Variants in SP4 observed in about 807,000 individuals in gnomAD.
SP4 encodes the protein transcription factor Sp4.
In SP4, 19 loss-of-function variants were observed where a neutral mutation model predicts 72.8. The ratio of observed to expected loss-of-function variants is 0.26; its 90% CI spans 0.18 to 0.38. SP4 has a LOEUF of 0.38. SP4 is among the 10% of genes least tolerant of loss of function. The pLI, the probability that SP4 is intolerant of heterozygous loss-of-function variation, is 1.00. For synonymous variants in SP4, 395 were observed against 333.1 expected (o/e 1.19, Z -2.02); for missense variants, 1,008 against 926.3 (o/e 1.09, Z -1.14).
chr7:21,501,274 G>T (rs1030585195), intron 5 of SP4, among the ~76,000 whole-genome samples: 1 of 151,824 alleles, frequency 6.6e-6, no homozygotes, highest in Non-Finnish European at 1.5e-5. Context: ...ACATCCGCAG[G>T]CTGGTTGCCA....
intron 1 of SP4, 65 bp downstream of exon 1, chr7:21,428,323 C>T: frequency 1.3e-6 from 1 of 795,708 alleles, no homozygotes; most frequent in South Asian, 1.4e-5. Context: ...TCCCCAGACC[C>T]TGCTCGGTTC....
chr7:21,490,255 C>T (rs549206316), intron 5 of SP4, among the ~76,000 whole-genome samples: 7 of 152,178 alleles, frequency 4.6e-5, no homozygotes, highest in Non-Finnish European at 8.8e-5. Flanking sequence ...TTTAACCCTG[C>T]GGGCACTGCA....
At chr7:21,453,784 G>A (rs1783671768) in intron 3 of SP4, among the ~76,000 whole-genome samples, 1 of 152,136 alleles carries the variant, frequency 6.6e-6, no homozygotes, top group African/African-American at 2.4e-5. Flanking sequence ...TTATTCCAAT[G>A]TTTAATTTAT....
In SP4 at chr7:21,513,872, C is replaced by T. The variant is rs1404056534; in HGVS notation, c.*2603C>T. The T allele has an allele frequency of 2.0e-5, 3 of 152,226 alleles. No homozygotes were observed. Among genetic ancestry groups the T allele is most frequent in the Non-Finnish European group, 4.4e-5 (3 of 67,998 alleles). The allele number at this position is 152,226 out of a possible 1,614,324, so 9.4% of individuals were successfully genotyped here. ...CTGAAATTAGAAATATTTTGACAGT[C>T]TGTTCTGCATACCATTCTGAGTCTA... On this transcript the variant is annotated 3_prime_UTR_variant, in exon 6 of 6. Coordinates refer to ENST00000222584, the MANE Select transcript of SP4 (RefSeq NM_003112.5).
chr7:21,464,382 C>T (rs1207248224), intron 3 of SP4, among the ~76,000 whole-genome samples: 1 of 152,088 alleles, frequency 6.6e-6, no homozygotes. Context: ...AGGCGTGAGC[C>T]ACTGCGCCCG....
chr7:21,465,635 CCT>C (rs1358615105), intron 3 of SP4, among the ~76,000 whole-genome samples: 1 of 152,114 alleles, frequency 6.6e-6, no homozygotes, highest in East Asian at 1.9e-4. Context: ...ACAAGGATTC[CCT>C]CTCTCCTACC....
chr7:21,493,421 A>G (rs1351913820), intron 5 of SP4, among the ~76,000 whole-genome samples: 1 of 152,204 alleles, frequency 6.6e-6, no homozygotes, highest in African/African-American at 2.4e-5. Flanking sequence ...GTAGCATTAA[A>G]TGCTTTTACT....
chr7:21,506,740 C>G lies in SP4; in HGVS notation c.2108-4282C>G, dbSNP rs539461811. Reference sequence around the variant, plus strand: ...GCCAGCTCTTAATTACAAAGTTAACCTTCAAAAGGCATTGCCCTACTGGGT... The same window carrying G: ...GCCAGCTCTTAATTACAAAGTTAACGTTCAAAAGGCATTGCCCTACTGGGT... On this transcript the variant is annotated intron_variant, in intron 5 of 5. Coordinates refer to ENST00000222584, the MANE Select transcript of SP4 (RefSeq NM_003112.5). 2.0e-4 allele frequency among the ~76,000 whole-genome samples: 31 copies of G among 152,284 alleles called. 2 individuals carry two copies. The East Asian group carries it at 4.4e-3, about 22-fold the overall frequency.
chr7:21,459,533 C>A (rs1448456693), intron 3 of SP4, among the ~76,000 whole-genome samples: 2 of 152,058 alleles, frequency 1.3e-5, no homozygotes, highest in African/African-American at 4.8e-5. Context: ...TGTGTTTTAC[C>A]CAGGTAATAT....
chr7:21,452,488 C>T (rs1683780013), intron 3 of SP4, among the ~76,000 whole-genome samples: 1 of 152,144 alleles, frequency 6.6e-6, no homozygotes. Flanking sequence ...GGTCGGGAAT[C>T]CTGTACAGGG....
In SP4 at chr7:21,430,212, C is replaced by T. The variant is rs896852699; in HGVS notation, c.1047C>T (p.Ser349=). Residue 349 remains serine (S), a synonymous_variant, in exon 3 of 6, where the codon AGC becomes AGT. Transcript: ENST00000222584. ...CAGCAGATACTGGCCAGTATGCAAGCACATCAGCCAGTAGTTCTGAACGCA... is the reference window on the plus strand; with the variant it reads ...CAGCAGATACTGGCCAGTATGCAAGTACATCAGCCAGTAGTTCTGAACGCA... ...VSSADTGQYA[S]TSASSSERTI... 21 of 1,614,066 alleles carry T rather than the reference C, an allele frequency of 1.3e-5. No homozygotes were observed. Among genetic ancestry groups the T allele is most frequent in the Non-Finnish European group, 1.5e-5 (18 of 1,180,040 alleles).
chr7:21,448,493 G>T (rs1783493327), intron 3 of SP4, among the ~76,000 whole-genome samples: 1 of 152,076 alleles, frequency 6.6e-6, no homozygotes, highest in South Asian at 2.1e-4. Flanking sequence ...TGTGGTGCTG[G>T]TGAAAATAGA....
Position 21,470,155 on chromosome 7 carries a change from G to A in SP4, c.1679-6924G>A, listed in dbSNP as rs61458961. Among the ~76,000 whole-genome samples the A allele has an allele frequency of 3.2e-3, 482 of 152,238 alleles. 1 individual carries two copies. The highest frequency in any genetic ancestry group is 0.011 in the African/African-American group (440 of 41,540). The stretch of plus-strand genomic sequence containing the variant: ...GCAGCCCTGTGATATACTGCTGGCC[G>A]AGTTTCGTAAGAAAGCTTCTATGTT... On this transcript the variant is annotated intron_variant, in intron 3 of 5. Transcript: ENST00000222584.
intron 5 of SP4, among the ~76,000 whole-genome samples, chr7:21,499,082 A>G (rs1781800099): frequency 1.5e-5 from 1 of 68,648 alleles, no homozygotes; most frequent in Non-Finnish European, 2.6e-5. Flanking sequence ...TCTGTCTCAA[A>G]AAAAAAAAAA....
intron 4 of SP4, among the ~76,000 whole-genome samples, chr7:21,479,153 C>G (rs894204100): frequency 6.6e-6 from 1 of 151,204 alleles, no homozygotes; most frequent in Non-Finnish European, 1.5e-5. Context: ...GCCTTTGCAC[C>G]AAAGTTTTAA....
intron 3 of SP4, 84 bp downstream of exon 3, chr7:21,430,927 C>G: frequency 2.0e-6 from 2 of 987,072 alleles, no homozygotes; most frequent in South Asian, 1.6e-5. Flanking sequence ...TAAGGTTTGA[C>G]GTAGACCTCT....
chr7:21,429,956 T>G lies in SP4; in HGVS notation c.791T>G (p.Val264Gly). ...VTTLPINIGG[V>G]TLALPVINNV... ...ACCCTACCAATTAACATTGGAGGAGTGACTCTAGCTTTGCCAGTGATAAAC... is the reference window on the plus strand; with the variant it reads ...ACCCTACCAATTAACATTGGAGGAGGGACTCTAGCTTTGCCAGTGATAAAC... The change falls in exon 3 of 6, where the codon GTG becomes GGG. Residue 264 changes from valine (V) to glycine (G), a missense_variant. This residue lies in a region of SP4 where 893 missense variants were observed against 743.3 expected (regional missense o/e 1.20). Transcript: ENST00000222584. The G allele has an allele frequency of 1.2e-6, 2 of 1,614,000 alleles. No homozygotes were observed. The highest frequency in any genetic ancestry group is 8.5e-7 in the Non-Finnish European group (1 of 1,179,990).
At chr7:21,482,559 G>T in intron 5 of SP4, 1 of 553,182 alleles carries the variant, frequency 1.8e-6, no homozygotes, top group Non-Finnish European at 2.3e-6. Context: ...ACAACCCTCA[G>T]TCAGAATGGT....
At chr7:21,433,045 T>C (rs1259301860) in intron 3 of SP4, among the ~76,000 whole-genome samples, 1 of 152,180 alleles carries the variant, frequency 6.6e-6, no homozygotes, top group African/African-American at 2.4e-5. Context: ...TCATCAGCAG[T>C]GAACCAGAAG....
Sources: allele counts gnomAD v4.1 joint callset (sites outside exome capture counted in the v4.1 genomes callset), GRCh38; gene constraint gnomAD v4.1.1; regional missense constraint gnomAD v4.1.1; transcripts MANE v1.5; gene names NCBI Gene and HGNC (gene_info 2026-07-23, HGNC 2026-07-21).